HEATR1: variants seen among roughly 807,000 people sequenced by gnomAD.
HEATR1 encodes HEAT repeat containing 1.
A neutral mutation model predicts 248.2 loss-of-function variants in HEATR1; 77 were observed. That is an observed-to-expected ratio of 0.31 (90% CI 0.26 to 0.37). HEATR1 has a LOEUF of 0.37. Ranked by LOEUF, HEATR1 falls within the 10% of genes least tolerant of loss-of-function variation. HEATR1 has a pLI of 1.00. For missense variants in HEATR1, 2,420 were observed against 2,504.9 expected, an observed-to-expected ratio of 0.97 and a Z score of 0.72; for synonymous variants, 897 against 923.1, an observed-to-expected ratio of 0.97 and a Z score of 0.51.
Position 236,583,211 on chromosome 1 carries a change from G to T in HEATR1, c.2242-15C>A, listed in dbSNP as rs16833972. 1.0e-5 allele frequency: 16 copies of T among 1,574,142 alleles called. No homozygotes were observed. Among genetic ancestry groups the T allele is most frequent in the Non-Finnish European group, 1.4e-5 (16 of 1,161,854 alleles). On this transcript the variant is annotated splice_polypyrimidine_tract_variant and intron_variant, in intron 17 of 44. Transcript: ENST00000366582. ...GAGGGGATTTCCTGAAATGTTAAAG[G>T]AAACAAAAACTAGTACAAACTAAGG...
chr1:236,595,585 A>G lies in HEATR1; in HGVS notation c.1045T>C (p.Tyr349His). The change falls in exon 8 of 45, where the codon TAC becomes CAC. Residue 349 changes from tyrosine to histidine, a missense_variant. Physicochemically the swap from Tyr to His is moderately conservative, Grantham distance 83. Transcript: ENST00000366582. ...ETYDVSPLLH[Y>H]MLPHLVVSII... is the part of the protein sequence containing the mutation. ...GAGACGACCAGATGGGGAAGCATGTAATGCAGAAGAGGACTGACATCGTAA... is the reference window on the plus strand; with the variant it reads ...GAGACGACCAGATGGGGAAGCATGTGATGCAGAAGAGGACTGACATCGTAA... The G allele has an allele frequency of 6.2e-7, 1 of 1,610,756 alleles. No homozygotes were observed. Among genetic ancestry groups the G allele is most frequent in the Non-Finnish European group, 8.5e-7 (1 of 1,176,974 alleles).
chr1:236,568,002 A>G (rs1663319545), intron 29 of HEATR1, among the ~76,000 whole-genome samples: 1 of 152,228 alleles, frequency 6.6e-6, no homozygotes, highest in African/African-American at 2.4e-5. Context: ...CACTTGAATG[A>G]ATGAATAAAC....
In HEATR1 at chr1:236,582,181, T is replaced by C. The variant is rs1572045631; in HGVS notation, c.2562+555A>G. Among the ~76,000 whole-genome samples the C allele has an allele frequency of 3.3e-5, 5 of 152,260 alleles. 1 individual carries two copies. The stretch of plus-strand genomic sequence containing the variant: ...GTGCAGTGGAGCGATCTCCGCTCAC[T>C]GCAAGCTCCACCTCCCAGGTTCATG... On this transcript the variant is annotated intron_variant, in intron 19 of 44. Transcript: ENST00000366582.
intron 2 of HEATR1, 100 bp from the exon 3 acceptor site, chr1:236,603,476 T>C (rs746540708): frequency 2.4e-6 from 2 of 850,538 alleles, no homozygotes; most frequent in Non-Finnish European, 3.7e-6. Context: ...AGTTTCTGAA[T>C]TCTTTAAGTA....
intron 43 of HEATR1, chr1:236,552,392 C>A (rs571596199): frequency 2.2e-4 from 44 of 200,610 alleles, no homozygotes; most frequent in South Asian, 8.6e-4. Flanking sequence ...TTAAAAAAAA[C>A]CAATAAAATA....
At chr1:236,574,595 C>T (rs1366794760) in intron 23 of HEATR1, 66 bp downstream of exon 23, 2 of 1,493,484 alleles carry the variant, frequency 1.3e-6, no homozygotes, top group Non-Finnish European at 1.8e-6. Flanking sequence ...TAACGCTGTT[C>T]CTGTTGCCTT....
intron 38 of HEATR1, 59 bp downstream of exon 38, chr1:236,556,041 T>C (rs1662966349): frequency 8.7e-6 from 14 of 1,608,280 alleles, no homozygotes; most frequent in Non-Finnish European, 1.1e-5. Flanking sequence ...AGTCAAAGTT[T>C]ACACATTGCA....
chr1:236,581,131 T>TG, intron 20 of HEATR1, 91 bp downstream of exon 20: 1 of 1,173,440 alleles, frequency 8.5e-7, no homozygotes, highest in Non-Finnish European at 1.2e-6. Flanking sequence ...GCTATTTTTT[T>TG]TTAAGTTATA....
At chr1:236,564,873 C>T (rs565166618) in intron 31 of HEATR1, among the ~76,000 whole-genome samples, 3 of 152,232 alleles carry the variant, frequency 2.0e-5, no homozygotes, top group South Asian at 4.1e-4. Flanking sequence ...CCCTGAGAAG[C>T]GAGTGTTTAA....
At position 236,589,630 on chromosome 1, in the gene HEATR1, A is replaced by G. The variant is rs1357726647; in HGVS notation, c.1530+1217T>C. ...TTACTGATCATATGATTTTACTTGT[A>G]GTAAGAATCTGCTTCTAATTGCTAT... On this transcript the variant is annotated intron_variant, in intron 12 of 44. Coordinates refer to ENST00000366582, the MANE Select transcript of HEATR1 (RefSeq NM_018072.6). 2.6e-5 allele frequency among the ~76,000 whole-genome samples: 4 copies of G among 152,302 alleles called. No homozygotes were observed. In the East Asian group the frequency reaches 7.7e-4, roughly 29 times the overall value.
At chr1:236,560,696 C>T (rs777275949) in intron 33 of HEATR1, among the ~76,000 whole-genome samples, 10 of 152,098 alleles carry the variant, frequency 6.6e-5, no homozygotes, top group South Asian at 2.1e-4. Context: ...AGGCAAACCC[C>T]GAGGACATGG....
At position 236,556,232 on chromosome 1, in the gene HEATR1, A is replaced by G; in HGVS notation, c.5382T>C (p.Ser1794=). 2 of 1,614,150 alleles carry G rather than the reference A, an allele frequency of 1.2e-6. No homozygotes were observed. The highest frequency in any genetic ancestry group is 1.7e-6 in the Non-Finnish European group (2 of 1,180,038). ...TAGCCTGTGACGCAGAACCCATTTC[A>G]CTAGTGATTTTCTCCAGATGAATCA... is the stretch of plus-strand genomic sequence containing the variant. ...SQVIHLEKIT[S]EMGSASQANI... Residue 1794 remains serine, a synonymous_variant, in exon 38 of 45, where the codon AGT becomes AGC. Coordinates refer to ENST00000366582, the MANE Select transcript of HEATR1 (RefSeq NM_018072.6).
chr1:236,566,116 G>A (rs1355652393), intron 30 of HEATR1, 71 bp from the exon 31 acceptor site: 4 of 1,464,544 alleles, frequency 2.7e-6, no homozygotes, highest in East Asian at 4.7e-5. Flanking sequence ...AGGATAATGT[G>A]CGTTAGGATT....
At chr1:236,572,288 A>G (rs1663450128) in intron 26 of HEATR1, 123 bp downstream of exon 26, 3 of 1,116,204 alleles carry the variant, frequency 2.7e-6, no homozygotes, top group Non-Finnish European at 3.9e-6. Context: ...TTTCACCTAT[A>G]GTACTTGCTT....
intron 5 of HEATR1, 133 bp from the exon 6 acceptor site, chr1:236,597,109 A>G: frequency 3.4e-6 from 2 of 590,038 alleles, no homozygotes; most frequent in Non-Finnish European, 5.2e-6. Flanking sequence ...TGGGCGACAA[A>G]GCAAGTCCAT....
At chr1:236,593,580 A>C (rs1306981839) in intron 9 of HEATR1, among the ~76,000 whole-genome samples, 2 of 94,850 alleles carry the variant, frequency 2.1e-5, no homozygotes, top group African/African-American at 9.0e-5. Flanking sequence ...GTTGCCCATT[A>C]AGAGAAAAAA....
intron 32 of HEATR1, among the ~76,000 whole-genome samples, chr1:236,563,301 C>T (rs999463571): frequency 9.9e-5 from 15 of 151,786 alleles, no homozygotes; most frequent in African/African-American, 3.6e-4. Flanking sequence ...TTTTTTCAGA[C>T]AGAATCTCGC....
At chr1:236,594,169 A>T (rs1664115319) in intron 8 of HEATR1, 55 bp from the exon 9 acceptor site, 2 of 1,125,622 alleles carry the variant, frequency 1.8e-6, no homozygotes, top group Non-Finnish European at 2.6e-6. Flanking sequence ...GCAAGCTAAC[A>T]TTATTAAATT....
rs561355125 is a variant in HEATR1 at position 236,595,934 on chromosome 1, C to G, written c.855G>C (p.Gln285His). ...GAATCTTGGTCAATGTTTTGATGAT[C>G]TGTGATGCCAATGAATTCACAAAGG... ...ENTFVNSLASQIIKTLTKIPS... is the reference protein window; with the variant it reads ...ENTFVNSLASHIIKTLTKIPS... The change falls in exon 7 of 45, where the codon CAG becomes CAC. Residue 285 changes from glutamine to histidine, a missense_variant. Transcript: ENST00000366582. 6.2e-7 allele frequency: 1 copy of G among 1,613,844 alleles called. No individual in the cohort carries two copies. The highest frequency in any genetic ancestry group is 1.3e-5 in the African/African-American group (1 of 75,040).
Sources: gnomAD v4.1 joint callset for allele counts (sites outside exome capture counted in the v4.1 genomes callset) on GRCh38, gnomAD v4.1.1 for gene constraint, MANE v1.5 for transcripts, NCBI Gene and HGNC (gene_info 2026-07-23, HGNC 2026-07-21) for gene names.